KHDRBS2: variants seen among roughly 807,000 people sequenced by gnomAD.
The protein encoded by KHDRBS2 is KH domain-containing, RNA-binding, signal transduction-associated protein 2.
Under a neutral mutation model 44.3 loss-of-function variants are expected in KHDRBS2, and 26 were observed. The ratio of observed to expected loss-of-function variants is 0.59; its 90% CI spans 0.43 to 0.81. The LOEUF is 0.81. Among genes scored for constraint, KHDRBS2 ranks in the 40% least tolerant of loss-of-function variants. KHDRBS2 has a pLI of 0.00. For synonymous variants in KHDRBS2, 194 were observed against 151.1 expected (o/e 1.28, Z -2.08); for missense variants, 476 against 433.1 (o/e 1.10, Z -0.88).
intron 2 of KHDRBS2, among the ~76,000 whole-genome samples, chr6:62,137,714 G>C (rs1175397844): frequency 6.6e-6 from 1 of 151,998 alleles, no homozygotes; most frequent in African/African-American, 2.4e-5. Context: ...AGTCTTAAAT[G>C]TTGTCTACTA....
intron 6 of KHDRBS2, among the ~76,000 whole-genome samples, chr6:61,752,724 TA>T (rs1305688599): frequency 2.1e-5 from 3 of 144,884 alleles, no homozygotes; most frequent in African/African-American, 7.6e-5. Flanking sequence ...ATTGAGGTCA[TA>T]TTCTAGTTGG....
chr6:62,114,794 A>G (rs757354433), intron 2 of KHDRBS2, among the ~76,000 whole-genome samples: 6 of 152,056 alleles, frequency 3.9e-5, no homozygotes, highest in Non-Finnish European at 7.4e-5. Context: ...CAACCACCCC[A>G]ATTTTATTAT....
chr6:61,818,630 T>A (rs922461016), intron 6 of KHDRBS2, among the ~76,000 whole-genome samples: 12 of 152,144 alleles, frequency 7.9e-5, no homozygotes, highest in African/African-American at 2.9e-4. Flanking sequence ...GACAATGGAA[T>A]GACAAAAAGG....
the KHDRBS2 span, among the ~76,000 whole-genome samples, chr6:61,601,699 T>A: frequency 6.6e-6 from 1 of 151,846 alleles, no homozygotes; most frequent in African/African-American, 2.4e-5. Flanking sequence ...TTTCCAATAT[T>A]CCTTTTCTAC....
At chr6:61,967,578 G>A (rs996537398) in intron 4 of KHDRBS2, among the ~76,000 whole-genome samples, 1 of 151,786 alleles carries the variant, frequency 6.6e-6, no homozygotes, top group African/African-American at 2.4e-5. Flanking sequence ...CAGATTCAGA[G>A]GAGTCCCAAA....
At chr6:61,731,367 A>G (rs1774419292) in intron 7 of KHDRBS2, among the ~76,000 whole-genome samples, 1 of 152,078 alleles carries the variant, frequency 6.6e-6, no homozygotes, top group South Asian at 2.1e-4. Flanking sequence ...CTAGAAATTA[A>G]CCAATTATTC....
intron 7 of KHDRBS2, among the ~76,000 whole-genome samples, chr6:61,725,807 C>T (rs985765968): frequency 1.3e-5 from 2 of 151,846 alleles, no homozygotes; most frequent in Non-Finnish European, 2.9e-5. Flanking sequence ...AATAAATAGC[C>T]CACCAACCAA....
intron 1 of KHDRBS2, among the ~76,000 whole-genome samples, chr6:62,181,352 G>C (rs1311534404): frequency 6.6e-6 from 1 of 151,812 alleles, no homozygotes; most frequent in Non-Finnish European, 1.5e-5. Flanking sequence ...TTAATAGCAA[G>C]AAACCAAATA....
At chr6:61,614,483 T>C in the KHDRBS2 span, among the ~76,000 whole-genome samples, 1 of 152,226 alleles carries the variant, frequency 6.6e-6, no homozygotes, top group Non-Finnish European at 1.5e-5. Context: ...TTATTTCCTC[T>C]GATTAAATTT....
Position 61,695,011 on chromosome 6 carries a change from C to CT in KHDRBS2, c.952+2183dup, listed in dbSNP as rs149063932. 0.013 allele frequency among the ~76,000 whole-genome samples: 1,983 copies of CT among 152,132 alleles called. 163 individuals are homozygous for CT. The East Asian group carries it at 0.22, about 17-fold the overall frequency. On this transcript the variant is annotated intron_variant, in intron 8 of 8. Coordinates refer to ENST00000281156, the MANE Select transcript of KHDRBS2 (RefSeq NM_152688.4). ...GTGCTCATTTTGGATTAATTATTTA[C>CT]TTTTTTTCCTGAAAAATAGTATAAA...
At chr6:61,826,837 G>C (rs893989708) in intron 6 of KHDRBS2, among the ~76,000 whole-genome samples, 1 of 152,042 alleles carries the variant, frequency 6.6e-6, no homozygotes, top group Non-Finnish European at 1.5e-5. Flanking sequence ...GAAAGCAGAG[G>C]ACTTTCATAA....
At chr6:61,641,739 G>A in the KHDRBS2 span, among the ~76,000 whole-genome samples, 1 of 152,084 alleles carries the variant, frequency 6.6e-6, no homozygotes, top group Non-Finnish European at 1.5e-5. Flanking sequence ...ATAGTGGTCT[G>A]TACTTACAAT....
chr6:61,877,520 A>G (rs1198257434), intron 6 of KHDRBS2, among the ~76,000 whole-genome samples: 2 of 150,836 alleles, frequency 1.3e-5, no homozygotes, highest in African/African-American at 4.9e-5. Flanking sequence ...TTATATTCTC[A>G]GGGGATTACA....
intron 4 of KHDRBS2, among the ~76,000 whole-genome samples, chr6:61,960,127 C>T (rs938815147): frequency 2.0e-5 from 3 of 152,018 alleles, no homozygotes; most frequent in African/African-American, 7.2e-5. Flanking sequence ...CTGTGATGAT[C>T]CCCAGGGCTC....
At chr6:62,014,807 A>G (rs1397301664) in intron 3 of KHDRBS2, among the ~76,000 whole-genome samples, 1 of 152,144 alleles carries the variant, frequency 6.6e-6, no homozygotes, top group African/African-American at 2.4e-5. Flanking sequence ...GAATGTTACT[A>G]TTTTTGACAA....
intron 5 of KHDRBS2, among the ~76,000 whole-genome samples, chr6:61,899,743 C>CCCG (rs1554263629): frequency 1.4e-5 from 2 of 140,042 alleles, no homozygotes; most frequent in South Asian, 5.0e-4. Context: ...GCCCCCCCCC[C>CCCG]GCATTTTAAG....
At chr6:61,551,759 C>CTG in the KHDRBS2 span, among the ~76,000 whole-genome samples, 1 of 152,150 alleles carries the variant, frequency 6.6e-6, no homozygotes, top group Non-Finnish European at 1.5e-5. Flanking sequence ...GCTTGGGTTA[C>CTG]TGTAGCCTTG....
chr6:61,872,438 T>G (rs1464695565), intron 6 of KHDRBS2, among the ~76,000 whole-genome samples: 1 of 152,078 alleles, frequency 6.6e-6, no homozygotes, highest in African/African-American at 2.4e-5. Flanking sequence ...GGATATGACA[T>G]GAATATCCAA....
chr6:61,679,358 T>G (rs973378895), downstream of KHDRBS2, among the ~76,000 whole-genome samples: 1 of 151,930 alleles, frequency 6.6e-6, no homozygotes, highest in Non-Finnish European at 1.5e-5. Flanking sequence ...TCTAGTTAAT[T>G]TTAATTAGTT....
Sources: allele counts gnomAD v4.1 joint callset (sites outside exome capture counted in the v4.1 genomes callset), GRCh38; gene constraint gnomAD v4.1.1; transcripts MANE v1.5; gene names NCBI Gene and HGNC (gene_info 2026-07-23, HGNC 2026-07-21).